Variants in RAB3IP observed in about 807,000 individuals in gnomAD.
RAB3IP encodes rab-3A-interacting protein.
A neutral mutation model predicts 59.1 loss-of-function variants in RAB3IP; 36 were observed. The ratio of observed to expected loss-of-function variants is 0.61; its 90% CI spans 0.47 to 0.80. RAB3IP has a LOEUF of 0.80. RAB3IP is among the 30% of genes least tolerant of loss of function. The pLI is 0.00. For synonymous variants in RAB3IP, 207 were observed against 191.2 expected (o/e 1.08, Z -0.68); for missense variants, 511 against 536.0 (o/e 0.95, Z 0.46).
intron 3 of RAB3IP, among the ~76,000 whole-genome samples, chr12:69,781,537 C>T (rs1874701520): frequency 6.6e-6 from 1 of 152,178 alleles, no homozygotes; most frequent in Admixed American, 6.5e-5. Context: ...CTCATCCCTT[C>T]CTCCCTAAAA....
At chr12:69,767,279 TG>T (rs1167201057) in intron 3 of RAB3IP, among the ~76,000 whole-genome samples, 1 of 152,202 alleles carries the variant, frequency 6.6e-6, no homozygotes, top group Non-Finnish European at 1.5e-5. Flanking sequence ...GGTTTTATAT[TG>T]GGCTGTGCAT....
At chr12:69,768,481 T>C (rs755345610) in intron 3 of RAB3IP, among the ~76,000 whole-genome samples, 1 of 151,994 alleles carries the variant, frequency 6.6e-6, no homozygotes, top group Non-Finnish European at 1.5e-5. Flanking sequence ...CCTGCTATGC[T>C]ACAGTGTATG....
In RAB3IP at chr12:69,755,480, T is replaced by C. The variant is rs1012608919; in HGVS notation, c.72T>C (p.Gly24=). The change falls in exon 2 of 11, where the codon GGT becomes GGC. Residue 24 remains glycine, a synonymous_variant. Coordinates refer to ENST00000247833, the MANE Select transcript of RAB3IP (RefSeq NM_022456.5). ...LASPTSPDLL[G]VYESGTQEQT... is the part of the protein sequence containing the mutation. ...CACCTACTTCTCCGGACCTTCTTGG[T>C]GTGTATGAATCAGGAACTCAAGAGC... The C allele has an allele frequency of 6.8e-6, 11 of 1,614,022 alleles. No homozygotes were observed. The highest frequency in any genetic ancestry group is 9.3e-6 in the Non-Finnish European group (11 of 1,180,026).
intron 3 of RAB3IP, among the ~76,000 whole-genome samples, chr12:69,775,861 G>T (rs1301307586): frequency 9.9e-6 from 1 of 101,110 alleles, no homozygotes; most frequent in Admixed American, 1.2e-4. Context: ...CAAGGATATT[G>T]GTCTAAAATT....
rs754868672 is a variant in RAB3IP at position 69,812,839 on chromosome 12, A to G, written c.1192A>G (p.Ser398Gly). The change falls in exon 9 of 11, where the codon AGC becomes GGC. Residue 398 changes from serine to glycine, a missense_variant. By Grantham distance (56) the Ser-to-Gly change is moderately conservative. Coordinates refer to ENST00000247833, the MANE Select transcript of RAB3IP (RefSeq NM_022456.5). ...ACACAGAATTAAATTAGGGGACTCA[A>G]GCAACTATTATTATATTTCTCCTTT... ...CKHRIKLGDS[S>G]NYYYISPFCR... 2 of 1,613,192 alleles carry G rather than the reference A, an allele frequency of 1.2e-6. No individual in the cohort carries two copies. The highest frequency in any genetic ancestry group is 1.7e-6 in the Non-Finnish European group (2 of 1,179,134).
In RAB3IP at chr12:69,820,596, T is replaced by C. The variant is rs1881611803; in HGVS notation, c.*5150T>C. ...AAAACTGGCCAGGTGCGATGGCTCA[T>C]GCCTGTAATCCCAGCACTTTGGGAG... On this transcript the variant is annotated 3_prime_UTR_variant, in exon 11 of 11. Transcript: ENST00000247833. The C allele has an allele frequency of 6.7e-6, 1 of 149,316 alleles. No individual in the cohort carries two copies. The highest frequency in any genetic ancestry group is 1.5e-5 in the Non-Finnish European group (1 of 67,882). The allele number at this position is 149,316 out of a possible 1,614,324, so 9.2% of individuals were successfully genotyped here. A position where few individuals can be genotyped will look rare whatever the true frequency, so the allele number is the denominator to read the frequency against.
chr12:69,802,904 CGGT>C (rs1182909455), intron 8 of RAB3IP, among the ~76,000 whole-genome samples: 1 of 152,162 alleles, frequency 6.6e-6, no homozygotes, highest in Non-Finnish European at 1.5e-5. Flanking sequence ...ACGTGTAGCA[CGGT>C]GGCCTCTGAA....
Position 69,801,822 on chromosome 12 carries a change from C to T in RAB3IP, c.1130+101C>T, listed in dbSNP as rs1224525422. ...CTGGTTTTAAATGTAGTTATATTTCCCTCAGATTTCTCTTAAGCGTCTGTG... is the reference window on the plus strand; with the variant it reads ...CTGGTTTTAAATGTAGTTATATTTCTCTCAGATTTCTCTTAAGCGTCTGTG... On this transcript the variant is annotated intron_variant, in intron 8 of 10. Transcript: ENST00000247833. 7.1e-6 allele frequency: 5 copies of T among 708,170 alleles called. No individual in the cohort carries two copies. The Admixed American group carries it at 7.4e-5, about 10-fold the overall frequency. 43.9% of individuals were successfully genotyped at this position (708,170 alleles called of 1,614,324 possible). A position where few individuals can be genotyped will look rare whatever the true frequency, so the allele number is the denominator to read the frequency against.
In RAB3IP at chr12:69,820,935, T is replaced by C. The variant is rs1349953150; in HGVS notation, c.*5489T>C. ...GTAGTTGTTAACAGAGAAATAACAA[T>C]GAAAGCTTTAAAAAACTCCATGAAA... On this transcript the variant is annotated 3_prime_UTR_variant, in exon 11 of 11. Transcript: ENST00000247833. The C allele has an allele frequency of 7.0e-6, 1 of 141,928 alleles. No homozygotes were observed. Among genetic ancestry groups the C allele is most frequent in the Non-Finnish European group, 1.5e-5 (1 of 64,994 alleles). 8.8% of individuals were successfully genotyped at this position (141,928 alleles called of 1,614,324 possible).
chr12:69,741,259 A>C (rs1056503743), intron 1 of RAB3IP, among the ~76,000 whole-genome samples: 2 of 152,164 alleles, frequency 1.3e-5, no homozygotes, highest in Non-Finnish European at 2.9e-5. Flanking sequence ...GGTTTATCAA[A>C]TTTTACAAGT....
At chr12:69,771,308 A>G (rs948822392) in intron 3 of RAB3IP, among the ~76,000 whole-genome samples, 1 of 152,150 alleles carries the variant, frequency 6.6e-6, no homozygotes, top group African/African-American at 2.4e-5. Context: ...AAGTGGGAGG[A>G]TGGCTTGACC....
chr12:69,743,154 A>ATATAGATGATAGCT (rs1164944403), intron 1 of RAB3IP, among the ~76,000 whole-genome samples: 1 of 152,246 alleles, frequency 6.6e-6, no homozygotes, highest in Non-Finnish European at 1.5e-5. Flanking sequence ...ATAAAGGAGC[A>ATATAGATGATAGCT]TATAGATGAT....
intron 6 of RAB3IP, among the ~76,000 whole-genome samples, chr12:69,799,642 C>A (rs372191092): frequency 2.6e-5 from 4 of 152,062 alleles, no homozygotes; most frequent in African/African-American, 9.6e-5. Flanking sequence ...GTTGGTTATG[C>A]AATAACATTT....
chr12:69,806,973 A>G (rs956575031), intron 8 of RAB3IP, among the ~76,000 whole-genome samples: 3 of 152,156 alleles, frequency 2.0e-5, no homozygotes, highest in Non-Finnish European at 2.9e-5. Flanking sequence ...TCCTATGTCT[A>G]CTTCTTTCTA....
chr12:69,780,126 G>C (rs193194769), intron 3 of RAB3IP, among the ~76,000 whole-genome samples: 1 of 152,170 alleles, frequency 6.6e-6, no homozygotes, highest in Non-Finnish European at 1.5e-5. Flanking sequence ...GATGACTCAA[G>C]GTAGGGGTAC....
In RAB3IP at chr12:69,755,394, G is replaced by C. The variant is rs747116585; in HGVS notation, c.-15G>C. The C allele has an allele frequency of 9.9e-6, 16 of 1,613,200 alleles. No individual in the cohort carries two copies. The highest frequency in any genetic ancestry group is 1.1e-5 in the Non-Finnish European group (13 of 1,179,550). On this transcript the variant is annotated 5_prime_UTR_variant, in exon 2 of 11. An upstream start codon of the reference 5' UTR is lost. Coordinates refer to ENST00000247833, the MANE Select transcript of RAB3IP (RefSeq NM_022456.5). ...TTTGTTTTAACATAGGTTATCTTAT[G>C]ATGAGGCTTTTGCTATGGCTAATGA...
At chr12:69,747,329 T>TGAGA (rs1437579923) in intron 1 of RAB3IP, among the ~76,000 whole-genome samples, 2 of 91,966 alleles carry the variant, frequency 2.2e-5, no homozygotes, top group African/African-American at 3.1e-5. Flanking sequence ...TGTGTGTGTG[T>TGAGA]GTGAGAGAGA....
At chr12:69,806,367 C>T (rs922296904) in intron 8 of RAB3IP, among the ~76,000 whole-genome samples, 19 of 151,946 alleles carry the variant, frequency 1.3e-4, no homozygotes, top group Non-Finnish European at 2.4e-4. Context: ...TTTTATTGCA[C>T]CTATTTGATT....
chr12:69,771,286 T>C lies in RAB3IP; in HGVS notation c.511-13434T>C, dbSNP rs555218409. On this transcript the variant is annotated intron_variant, in intron 3 of 10. Coordinates refer to ENST00000247833, the MANE Select transcript of RAB3IP (RefSeq NM_022456.5). ...TGGCTTATGCCTGTAATCCCAGCACTTTGGAAGGCCAAAGTGGGAGGATGG... is the reference window on the plus strand; with the variant it reads ...TGGCTTATGCCTGTAATCCCAGCACCTTGGAAGGCCAAAGTGGGAGGATGG... Among the ~76,000 whole-genome samples the C allele has an allele frequency of 5.9e-5, 9 of 152,314 alleles. No individual in the cohort carries two copies. In the East Asian group the frequency reaches 1.7e-3, roughly 29 times the overall value.
Sources: gnomAD v4.1 joint callset for allele counts (sites outside exome capture counted in the v4.1 genomes callset) on GRCh38, gnomAD v4.1.1 for gene constraint, MANE v1.5 for transcripts, NCBI Gene and HGNC (gene_info 2026-07-23, HGNC 2026-07-21) for gene names.